OPCML: variants seen among roughly 807,000 people sequenced by gnomAD.
The protein encoded by OPCML is opioid-binding protein/cell adhesion molecule.
A neutral mutation model predicts 37.8 loss-of-function variants in OPCML; 13 were observed. The observed-to-expected ratio is 0.34, with a 90% CI of 0.22 to 0.55. The LOEUF is 0.55. Among genes scored for constraint, OPCML ranks in the 20% least tolerant of loss-of-function variants. OPCML has a pLI of 0.91. For missense variants in OPCML, 341 were observed against 435.6 expected, an observed-to-expected ratio of 0.78 and a Z score of 1.93; for synonymous variants, 176 against 168.8, an observed-to-expected ratio of 1.04 and a Z score of -0.33.
At chr11:132,750,008 G>T (rs909692363) in intron 2 of OPCML, among the ~76,000 whole-genome samples, 5 of 151,924 alleles carry the variant, frequency 3.3e-5, no homozygotes, top group Non-Finnish European at 7.4e-5. Context: ...TCAGCCTCCC[G>T]AGTAGCTGGG....
chr11:132,720,122 A>G (rs2135976622), intron 2 of OPCML, among the ~76,000 whole-genome samples: 1 of 152,350 alleles, frequency 6.6e-6, no homozygotes, highest in South Asian at 2.1e-4. Flanking sequence ...AGCCCTTTGG[A>G]TTTTACATCA....
chr11:133,368,830 C>A (rs958236715), intron 1 of OPCML, among the ~76,000 whole-genome samples: 7 of 152,172 alleles, frequency 4.6e-5, no homozygotes, highest in African/African-American at 1.4e-4. Context: ...CACTTCCTAC[C>A]CAGCATGGTA....
chr11:132,655,583 C>T (rs1473047349), intron 3 of OPCML, among the ~76,000 whole-genome samples: 1 of 152,214 alleles, frequency 6.6e-6, no homozygotes, highest in African/African-American at 2.4e-5. Context: ...GTGTGAACGC[C>T]TGAAAGCACG....
rs202162375 is a variant in OPCML, at chr11:133,221,091, C to T, written c.62-278081G>A. On this transcript the variant is annotated intron_variant, in intron 1 of 7. Coordinates refer to ENST00000524381, the MANE Select transcript of OPCML (RefSeq NM_001012393.5). ...TAATGCTCAGAGGCCTTCTTGAGTG[C>T]AGCTGCTCTCTCTTTATATGACACA... Among the ~76,000 whole-genome samples the T allele has an allele frequency of 3.9e-5, 6 of 152,324 alleles. No individual in the cohort carries two copies. The East Asian group carries it at 1.2e-3, about 29-fold the overall frequency.
At chr11:133,438,438 T>C (rs939558130) in intron 1 of OPCML, among the ~76,000 whole-genome samples, 1 of 152,090 alleles carries the variant, frequency 6.6e-6, no homozygotes, top group Non-Finnish European at 1.5e-5. Context: ...AATTAAAGTA[T>C]ATCAGCAATC....
At chr11:133,314,002 G>C (rs531036104) in intron 1 of OPCML, among the ~76,000 whole-genome samples, 1 of 152,054 alleles carries the variant, frequency 6.6e-6, no homozygotes, top group Non-Finnish European at 1.5e-5. Flanking sequence ...TTGGGAGGCC[G>C]AGGCGGGCGG....
chr11:133,075,654 G>C (rs1002155951), intron 1 of OPCML, among the ~76,000 whole-genome samples: 17 of 152,162 alleles, frequency 1.1e-4, no homozygotes, highest in African/African-American at 4.1e-4. Context: ...CTACTCTGGG[G>C]AGAGATCTGA....
intron 1 of OPCML, among the ~76,000 whole-genome samples, chr11:133,108,932 G>T (rs1338153115): frequency 6.6e-6 from 1 of 152,100 alleles, no homozygotes; most frequent in Non-Finnish European, 1.5e-5. Flanking sequence ...CACTGCTCAG[G>T]GCCCTTTGCA....
intron 3 of OPCML, among the ~76,000 whole-genome samples, chr11:132,623,312 T>C (rs1001146466): frequency 2.0e-5 from 3 of 151,914 alleles, no homozygotes; most frequent in African/African-American, 7.3e-5. Context: ...AAATGGCTCC[T>C]TCATCGCCCA....
At chr11:133,089,776 A>C (rs1366954330) in intron 1 of OPCML, among the ~76,000 whole-genome samples, 1 of 151,980 alleles carries the variant, frequency 6.6e-6, no homozygotes, top group Non-Finnish European at 1.5e-5. Context: ...AAAAAAAAAA[A>C]CCCAGTGGCT....
chr11:132,776,995 G>C (rs1946831170), intron 2 of OPCML, among the ~76,000 whole-genome samples: 2 of 152,144 alleles, frequency 1.3e-5, no homozygotes, highest in South Asian at 4.1e-4. Context: ...TAACAAGAGA[G>C]AGTAATCTTT....
At chr11:132,733,219 A>G (rs980262884) in intron 2 of OPCML, among the ~76,000 whole-genome samples, 1 of 152,102 alleles carries the variant, frequency 6.6e-6, no homozygotes, top group Admixed American at 6.6e-5. Context: ...CTTGAGAATG[A>G]TAGTTAAAGT....
At chr11:133,458,724 T>C (rs1946777748) in intron 1 of OPCML, among the ~76,000 whole-genome samples, 1 of 142,224 alleles carries the variant, frequency 7.0e-6, no homozygotes, top group South Asian at 2.2e-4. Flanking sequence ...TGTGTGTATA[T>C]ATACACATAG....
chr11:132,836,122 G>C (rs546803849), intron 2 of OPCML, among the ~76,000 whole-genome samples: 1 of 152,098 alleles, frequency 6.6e-6, no homozygotes, highest in Non-Finnish European at 1.5e-5. Context: ...GAACATAAAC[G>C]GCCTCCATGT....
chr11:133,399,325 G>T (rs1265815003), intron 1 of OPCML, among the ~76,000 whole-genome samples: 1 of 152,100 alleles, frequency 6.6e-6, no homozygotes, highest in African/African-American at 2.4e-5. Context: ...GCTCAGCACT[G>T]CTCTTTACTA....
intron 1 of OPCML, among the ~76,000 whole-genome samples, chr11:133,417,913 A>G (rs150822273): frequency 9.7e-4 from 148 of 152,070 alleles, no homozygotes; most frequent in African/African-American, 3.4e-3. Flanking sequence ...ATGCATGCTG[A>G]TAACAATGGA....
At chr11:133,234,231 A>G (rs1331562758) in intron 1 of OPCML, among the ~76,000 whole-genome samples, 1 of 152,134 alleles carries the variant, frequency 6.6e-6, no homozygotes, top group African/African-American at 2.4e-5. Context: ...AAAAAAAAAG[A>G]AACAAAAAGC....
chr11:132,757,761 G>A (rs900500837), intron 2 of OPCML, among the ~76,000 whole-genome samples: 4 of 152,156 alleles, frequency 2.6e-5, no homozygotes, highest in Non-Finnish European at 4.4e-5. Flanking sequence ...TGTTCACTCT[G>A]ATGACAGTTT....
intron 1 of OPCML, among the ~76,000 whole-genome samples, chr11:133,247,577 T>TTTCTTTCTTTCTTTCC (rs1179280612): frequency 1.4e-5 from 2 of 144,390 alleles, no homozygotes; most frequent in African/African-American, 5.0e-5. Flanking sequence ...TCTTTCTTTC[T>TTTCTTTCTTTCTTTCC]TTCTTTCATC....
Sources: gnomAD v4.1 joint callset for allele counts (sites outside exome capture counted in the v4.1 genomes callset) on GRCh38, gnomAD v4.1.1 for gene constraint, MANE v1.5 for transcripts, NCBI Gene and HGNC (gene_info 2026-07-23, HGNC 2026-07-21) for gene names.